The following KIAA1549 variants were observed in gnomAD, a reference collection of about 807,000 sequenced individuals.
KIAA1549 encodes UPF0606 protein KIAA1549.
Under a neutral mutation model 156.4 loss-of-function variants are expected in KIAA1549, and 70 were observed. The ratio of observed to expected loss-of-function variants is 0.45; its 90% CI spans 0.37 to 0.55. The LOEUF is 0.55. KIAA1549 is among the 20% of genes least tolerant of loss of function. KIAA1549 has a pLI of 0.00. For synonymous variants in KIAA1549, 1,103 were observed against 1,066.4 expected (o/e 1.03, Z -0.67); for missense variants, 2,428 against 2,540.9 (o/e 0.96, Z 0.96).
Position 138,844,354 on chromosome 7 carries a change from C to T in KIAA1549, c.5415G>A (p.Pro1805=), listed in dbSNP as rs763783853. The change falls in exon 18 of 20, where the codon CCG becomes CCA. Residue 1805 remains proline, a synonymous_variant. Transcript: ENST00000422774. ...CGACAGGCCGAGGCCGGGCCACCGA[C>T]GGCATCTCCTCCGAGTAGATCCCTC... ...AARGIYSEEM[P]SVARPRPVGG... 27 of 1,613,718 alleles carry T rather than the reference C, an allele frequency of 1.7e-5. No homozygotes were observed. In the East Asian group the frequency reaches 4.7e-4, roughly 28 times the overall value.
intron 8 of KIAA1549, 129 bp downstream of exon 8, chr7:138,903,459 A>G (rs1045504975): frequency 2.1e-6 from 2 of 956,502 alleles, no homozygotes; most frequent in African/African-American, 3.3e-5. Context: ...CGATCAGTGG[A>G]AATCAGAAAT....
chr7:138,911,430 G>T, intron 3 of KIAA1549, 107 bp from the exon 4 acceptor site: 1 of 812,346 alleles, frequency 1.2e-6, no homozygotes, highest in Non-Finnish European at 1.9e-6. Context: ...GAATGAAGGG[G>T]TAGTGCATCA....
intron 8 of KIAA1549, among the ~76,000 whole-genome samples, chr7:138,900,330 G>T (rs1181979372): frequency 6.6e-6 from 1 of 152,094 alleles, no homozygotes; most frequent in Non-Finnish European, 1.5e-5. Context: ...CCCTGACAAC[G>T]GTACAGTGGT....
At chr7:138,899,240 A>C in intron 8 of KIAA1549, 108 bp from the exon 9 acceptor site, 1 of 1,007,836 alleles carries the variant, frequency 9.9e-7, no homozygotes, top group Admixed American at 2.0e-5. Flanking sequence ...TCCAATCCTC[A>C]TAATAAGCTC....
Position 138,951,601 on chromosome 7 carries a change from G to A in KIAA1549, c.187+29482C>T, listed in dbSNP as rs181773913. ...GCTATAAACCCACTTGTCAGATGAC[G>A]ACACCTGCTTTCCCCATAAAACTAG... On this transcript the variant is annotated intron_variant, in intron 1 of 19. Coordinates refer to ENST00000422774, the MANE Select transcript of KIAA1549 (RefSeq NM_001164665.2). Among the ~76,000 whole-genome samples, 7 of 152,214 alleles carry A rather than the reference G, an allele frequency of 4.6e-5. No homozygotes were observed. In the East Asian group the frequency reaches 1.2e-3, roughly 25 times the overall value.
At chr7:138,959,721 T>G (rs1813781091) in intron 1 of KIAA1549, among the ~76,000 whole-genome samples, 1 of 152,236 alleles carries the variant, frequency 6.6e-6, no homozygotes, top group Admixed American at 6.5e-5. Flanking sequence ...TTTATGTAGA[T>G]TTAACTGTCA....
At chr7:138,902,137 A>G (rs1370535262) in intron 8 of KIAA1549, among the ~76,000 whole-genome samples, 1 of 152,202 alleles carries the variant, frequency 6.6e-6, no homozygotes, top group Admixed American at 6.5e-5. Flanking sequence ...AATTGTGATT[A>G]GTTTTTAAAT....
At chr7:138,921,260 C>T (rs915805134) in intron 1 of KIAA1549, among the ~76,000 whole-genome samples, 2 of 152,208 alleles carry the variant, frequency 1.3e-5, no homozygotes, top group Non-Finnish European at 2.9e-5. Flanking sequence ...GACTTGAGAA[C>T]ACCTTGGACT....
chr7:138,948,324 G>A (rs990975512), intron 1 of KIAA1549, among the ~76,000 whole-genome samples: 1 of 152,146 alleles, frequency 6.6e-6, no homozygotes, highest in Non-Finnish European at 1.5e-5. Context: ...CACACAGGAC[G>A]AAGACAGCCA....
chr7:138,909,919 C>T lies in KIAA1549; in HGVS notation c.3146-798G>A, dbSNP rs150278869. Among the ~76,000 whole-genome samples the T allele has an allele frequency of 9.7e-4, 147 of 152,144 alleles. 1 individual carries two copies. Among genetic ancestry groups the T allele is most frequent in the African/African-American group, 3.4e-3 (139 of 41,486 alleles). On this transcript the variant is annotated intron_variant, in intron 4 of 19. Transcript: ENST00000422774. The stretch of plus-strand genomic sequence containing the variant: ...CAGAGATCGCGCCATTGCACTCTAG[C>T]CTGAGCAACAAAGCAAGACTCCAGC...
intron 14 of KIAA1549, among the ~76,000 whole-genome samples, chr7:138,868,713 G>A (rs941708456): frequency 1.3e-5 from 2 of 152,222 alleles, no homozygotes; most frequent in Non-Finnish European, 2.9e-5. Flanking sequence ...AATTATAGGC[G>A]TGAGCCACCA....
intron 1 of KIAA1549, among the ~76,000 whole-genome samples, chr7:138,937,717 C>T (rs2718134): frequency 0.22 from 32,899 of 151,870 alleles, 4,330 homozygotes; most frequent in African/African-American, 0.37. Context: ...ACGAATGGTG[C>T]GGGGTCACCA....
chr7:138,932,516 T>G (rs756034598), intron 1 of KIAA1549, among the ~76,000 whole-genome samples: 1 of 152,224 alleles, frequency 6.6e-6, no homozygotes, highest in South Asian at 2.1e-4. Flanking sequence ...GAGAAGCCAC[T>G]GAAGAAGCTA....
At chr7:138,968,702 T>A (rs914810441) in intron 1 of KIAA1549, among the ~76,000 whole-genome samples, 1 of 151,572 alleles carries the variant, frequency 6.6e-6, no homozygotes, top group Non-Finnish European at 1.5e-5. Flanking sequence ...AAAATAATAA[T>A]AATAATAATT....
intron 1 of KIAA1549, among the ~76,000 whole-genome samples, chr7:138,979,087 G>A (rs1814464154): frequency 1.3e-5 from 2 of 152,216 alleles, no homozygotes; most frequent in South Asian, 4.1e-4. Flanking sequence ...CAGGGGCTGT[G>A]CCCTCCACTT....
At chr7:138,977,675 C>T (rs1814419900) in intron 1 of KIAA1549, among the ~76,000 whole-genome samples, 1 of 151,928 alleles carries the variant, frequency 6.6e-6, no homozygotes, top group Non-Finnish European at 1.5e-5. Flanking sequence ...CACACACACA[C>T]ACACACACAC....
At chr7:138,896,397 A>G (rs1811684827) in intron 9 of KIAA1549, among the ~76,000 whole-genome samples, 1 of 152,236 alleles carries the variant, frequency 6.6e-6, no homozygotes, top group African/African-American at 2.4e-5. Flanking sequence ...AAAAGCACAG[A>G]TTAGAGCACA....
Position 138,837,370 on chromosome 7 carries a change from G to A in KIAA1549, c.*536C>T. The stretch of plus-strand genomic sequence containing the variant: ...CCTATCATTTGGTTTCTCACTAGTA[G>A]CTTTTTAAAATTCCCAAACAGTCTT... On this transcript the variant is annotated 3_prime_UTR_variant, in exon 20 of 20. Transcript: ENST00000422774. 4.4e-6 allele frequency: 1 copy of A among 229,192 alleles called. No individual in the cohort carries two copies. The highest frequency in any genetic ancestry group is 8.6e-6 in the Non-Finnish European group (1 of 115,808). 14.2% of individuals were successfully genotyped at this position (229,192 alleles called of 1,614,324 possible). A position where few individuals can be genotyped will look rare whatever the true frequency, so the allele number is the denominator to read the frequency against.
At chr7:138,898,330 A>C (rs1811748342) in intron 9 of KIAA1549, among the ~76,000 whole-genome samples, 1 of 151,722 alleles carries the variant, frequency 6.6e-6, no homozygotes, top group African/African-American at 2.4e-5. Flanking sequence ...AAAAGCAAAC[A>C]AATCTGTGAG....
Sources: gnomAD v4.1 joint callset for allele counts (sites outside exome capture counted in the v4.1 genomes callset) on GRCh38, gnomAD v4.1.1 for gene constraint, MANE v1.5 for transcripts, NCBI Gene and HGNC (gene_info 2026-07-23, HGNC 2026-07-21) for gene names.